The following MSRA variants were observed in gnomAD, a reference collection of about 807,000 sequenced individuals.
The protein encoded by MSRA is methionine sulfoxide reductase A, also known as mitochondrial peptide methionine sulfoxide reductase.
MSRA carries 54 observed loss-of-function variants against 31.3 expected under a neutral mutation model. That is an observed-to-expected ratio of 1.73 (90% CI 1.39 to 2.17). The LOEUF (loss-of-function observed/expected upper bound fraction) is 2.17, where lower values mean the gene tolerates loss of function less well. MSRA is among the 30% of genes most tolerant of loss of function. The pLI, the probability that MSRA is intolerant of heterozygous loss-of-function variation, is 0.00. For missense variants in MSRA, 507 were observed against 300.9 expected (o/e 1.69, Z -5.07); for synonymous variants, 169 against 116.5 (o/e 1.45, Z -2.90).
At chr8:10,401,314 ATCATGAG>A (rs1386603861) in intron 5 of MSRA, among the ~76,000 whole-genome samples, 2 of 152,236 alleles carry the variant, frequency 1.3e-5, no homozygotes, top group African/African-American at 4.8e-5. Flanking sequence ...GATCCTCAGA[ATCATGAG>A]TCACTGAGGC....
Position 10,060,923 on chromosome 8 carries a change from C to T in MSRA, c.142+6265C>T, listed in dbSNP as rs1221560437. 7.9e-5 allele frequency among the ~76,000 whole-genome samples: 12 copies of T among 152,208 alleles called. No homozygotes were observed. In the East Asian group the frequency reaches 2.3e-3, roughly 29 times the overall value. On this transcript the variant is annotated intron_variant, in intron 1 of 5. Transcript: ENST00000317173. ...TATTTCTTGTATTGTGAGTGATGTA[C>T]GTTGATTTTTAAAAGAAAATGATAG...
At chr8:10,365,678 G>A (rs1805120591) in intron 5 of MSRA, among the ~76,000 whole-genome samples, 1 of 152,192 alleles carries the variant, frequency 6.6e-6, no homozygotes. Context: ...CTAGATGGAA[G>A]AGCAGTTGTC....
At chr8:10,321,816 C>G (rs1231737815) in intron 5 of MSRA, among the ~76,000 whole-genome samples, 1 of 152,196 alleles carries the variant, frequency 6.6e-6, no homozygotes, top group Non-Finnish European at 1.5e-5. Context: ...CAACCCCAGT[C>G]AAGCCTTCAG....
At chr8:10,088,532 C>T (rs551458133) in intron 1 of MSRA, among the ~76,000 whole-genome samples, 1 of 152,166 alleles carries the variant, frequency 6.6e-6, no homozygotes, top group South Asian at 2.1e-4. Flanking sequence ...GTCAGGAGTT[C>T]GAGACCAGCC....
intron 3 of MSRA, among the ~76,000 whole-genome samples, chr8:10,289,161 G>A (rs1800098566): frequency 6.6e-6 from 1 of 151,952 alleles, no homozygotes; most frequent in Admixed American, 6.6e-5. Flanking sequence ...GTTTACAGGT[G>A]CCCGCCACCA....
At chr8:10,182,020 G>A (rs1263356964) in intron 1 of MSRA, among the ~76,000 whole-genome samples, 1 of 152,112 alleles carries the variant, frequency 6.6e-6, no homozygotes, top group African/African-American at 2.4e-5. Context: ...GGCAGGGAGA[G>A]GATATAGTTC....
At chr8:10,388,337 C>G (rs1305669458) in intron 5 of MSRA, among the ~76,000 whole-genome samples, 1 of 152,204 alleles carries the variant, frequency 6.6e-6, no homozygotes, top group African/African-American at 2.4e-5. Flanking sequence ...TCACCCCCGT[C>G]TTCCTGGTAC....
intron 5 of MSRA, among the ~76,000 whole-genome samples, chr8:10,398,683 C>T (rs1196134437): frequency 1.3e-5 from 2 of 152,206 alleles, no homozygotes; most frequent in Non-Finnish European, 2.9e-5. Flanking sequence ...TTCCGCTCTC[C>T]TTCTTCTGGA....
rs1191702393 is a variant in MSRA at position 10,380,898 on chromosome 8, G to C, written c.544-47250G>C. Among the ~76,000 whole-genome samples the C allele has an allele frequency of 3.3e-5, 5 of 151,312 alleles. No homozygotes were observed. The South Asian group carries it at 1.1e-3, about 32-fold the overall frequency. On this transcript the variant is annotated intron_variant, in intron 5 of 5. Coordinates refer to ENST00000317173, the MANE Select transcript of MSRA (RefSeq NM_012331.5). The stretch of plus-strand genomic sequence containing the variant: ...GGGTGGGTGGGTAGATGGATGGATG[G>C]AAGGCTGGAGGGAGGGGGAGTGATG...
At chr8:10,299,366 T>C (rs1382707347) in intron 3 of MSRA, among the ~76,000 whole-genome samples, 1 of 152,102 alleles carries the variant, frequency 6.6e-6, no homozygotes, top group Non-Finnish European at 1.5e-5. Context: ...TATTTAAACA[T>C]TTCAAATTAC....
intron 2 of MSRA, among the ~76,000 whole-genome samples, chr8:10,223,564 A>G (rs917312804): frequency 2.0e-5 from 3 of 152,238 alleles, no homozygotes; most frequent in Non-Finnish European, 2.9e-5. Flanking sequence ...ACTGTAGCAC[A>G]TAGAGAAAAA....
intron 2 of MSRA, among the ~76,000 whole-genome samples, chr8:10,225,947 A>T (rs2129070236): frequency 6.6e-6 from 1 of 152,314 alleles, no homozygotes; most frequent in South Asian, 2.1e-4. Context: ...GGTGTAAATG[A>T]CTGTGTGGCA....
chr8:10,235,428 A>G (rs1440004308), intron 2 of MSRA, among the ~76,000 whole-genome samples: 1 of 152,148 alleles, frequency 6.6e-6, no homozygotes, highest in African/African-American at 2.4e-5. Context: ...AAAAACATGT[A>G]TTAGAAAAGA....
intron 1 of MSRA, among the ~76,000 whole-genome samples, chr8:10,135,145 C>T (rs1025380448): frequency 6.6e-6 from 1 of 152,234 alleles, no homozygotes; most frequent in African/African-American, 2.4e-5. Context: ...ATTTCTATTT[C>T]ACTCTTGTAA....
intron 2 of MSRA, among the ~76,000 whole-genome samples, chr8:10,240,402 C>G (rs1367089318): frequency 6.6e-6 from 1 of 152,192 alleles, no homozygotes; most frequent in Non-Finnish European, 1.5e-5. Context: ...ATCCATTACG[C>G]AGGTACTAGG....
At chr8:10,390,302 G>A (rs1806660046) in intron 5 of MSRA, among the ~76,000 whole-genome samples, 1 of 152,200 alleles carries the variant, frequency 6.6e-6, no homozygotes, top group Non-Finnish European at 1.5e-5. Context: ...TGTGTTTCCT[G>A]TGCGAAATGG....
intron 1 of MSRA, among the ~76,000 whole-genome samples, chr8:10,131,363 G>A (rs1398081253): frequency 6.6e-6 from 1 of 152,180 alleles, no homozygotes; most frequent in Non-Finnish European, 1.5e-5. Flanking sequence ...GAGTGGAAAT[G>A]GTATTTAACT....
intron 1 of MSRA, among the ~76,000 whole-genome samples, chr8:10,119,006 G>T (rs1394192150): frequency 1.3e-5 from 2 of 152,162 alleles, no homozygotes; most frequent in Non-Finnish European, 2.9e-5. Flanking sequence ...AGGTTCTGGA[G>T]ACTTAGGAGG....
chr8:10,189,060 C>T (rs10104463), intron 1 of MSRA, among the ~76,000 whole-genome samples: 1 of 151,888 alleles, frequency 6.6e-6, no homozygotes, highest in Non-Finnish European at 1.5e-5. Context: ...TTATAGTTTT[C>T]AGGGTACAGA....
Sources: allele counts gnomAD v4.1 joint callset (sites outside exome capture counted in the v4.1 genomes callset), GRCh38; gene constraint gnomAD v4.1.1; transcripts MANE v1.5; gene names NCBI Gene and HGNC (gene_info 2026-07-23, HGNC 2026-07-21).